ZNF385D: variants seen among roughly 807,000 people sequenced by gnomAD.
ZNF385D encodes zinc finger protein 385D.
A neutral mutation model predicts 35.8 loss-of-function variants in ZNF385D; 15 were observed. The ratio of observed to expected loss-of-function variants is 0.42; its 90% confidence interval spans 0.28 to 0.64. The LOEUF is 0.64. ZNF385D is among the 30% of genes least tolerant of loss of function. ZNF385D has a pLI of 0.23. For synonymous variants in ZNF385D, 212 were observed against 186.8 expected, an observed-to-expected ratio of 1.13 and a Z score of -1.10; for missense variants, 474 against 494.6, an observed-to-expected ratio of 0.96 and a Z score of 0.39.
At chr3:22,035,893 G>C (rs946236868) in intron 3 of ZNF385D, among the ~76,000 whole-genome samples, 1 of 151,686 alleles carries the variant, frequency 6.6e-6, no homozygotes, top group African/African-American at 2.4e-5. Flanking sequence ...CCAGTGGCTT[G>C]CTGATAAATG....
chr3:22,325,266 G>T (rs557897408), intron 2 of ZNF385D, among the ~76,000 whole-genome samples: 7 of 152,298 alleles, frequency 4.6e-5, no homozygotes, highest in African/African-American at 1.7e-4. Context: ...AACTCAAGCT[G>T]TAGAACTTTT....
At chr3:21,913,356 C>T (rs1312370983) in intron 3 of ZNF385D, among the ~76,000 whole-genome samples, 3 of 152,112 alleles carry the variant, frequency 2.0e-5, no homozygotes, top group Non-Finnish European at 4.4e-5. Flanking sequence ...TCTGAAATAA[C>T]TCATTAACAG....
chr3:22,312,021 C>T (rs994071549), intron 2 of ZNF385D, among the ~76,000 whole-genome samples: 3 of 152,064 alleles, frequency 2.0e-5, no homozygotes, highest in South Asian at 2.1e-4. Context: ...TTATTTCCTC[C>T]GAATCGACCA....
At chr3:22,058,161 A>C (rs185401844) in intron 3 of ZNF385D, among the ~76,000 whole-genome samples, 6 of 151,738 alleles carry the variant, frequency 4.0e-5, no homozygotes, top group African/African-American at 1.4e-4. Flanking sequence ...TTGGTAACTC[A>C]TAAGTTGATA....
chr3:21,904,310 A>G (rs1699564631), intron 3 of ZNF385D, among the ~76,000 whole-genome samples: 1 of 151,630 alleles, frequency 6.6e-6, no homozygotes. Context: ...CTCAAAAAAA[A>G]AAAAAAAAAA....
At chr3:22,301,020 G>A (rs1702872174) in intron 2 of ZNF385D, among the ~76,000 whole-genome samples, 1 of 152,006 alleles carries the variant, frequency 6.6e-6, no homozygotes, top group African/African-American at 2.4e-5. Flanking sequence ...CAATAGCCAA[G>A]ATACAGAAAC....
At chr3:21,682,195 A>T (rs2066932976) in intron 1 of ZNF385D, among the ~76,000 whole-genome samples, 1 of 152,216 alleles carries the variant, frequency 6.6e-6, no homozygotes, top group Non-Finnish European at 1.5e-5. Context: ...GACAATTGGC[A>T]GGTTGGTTTG....
At chr3:21,705,812 A>T (rs1406757900) in intron 1 of ZNF385D, among the ~76,000 whole-genome samples, 1 of 151,808 alleles carries the variant, frequency 6.6e-6, no homozygotes, top group African/African-American at 2.4e-5. Flanking sequence ...TTGCTGTTCC[A>T]CTCACATGTT....
At chr3:21,730,699 T>C (rs1274013652) in intron 1 of ZNF385D, among the ~76,000 whole-genome samples, 2 of 152,256 alleles carry the variant, frequency 1.3e-5, no homozygotes, top group African/African-American at 2.4e-5. Context: ...TGAGTTCTTA[T>C]GTTTCTTTTT....
intron 3 of ZNF385D, among the ~76,000 whole-genome samples, chr3:21,871,679 T>C (rs1559709938): frequency 6.6e-6 from 1 of 152,144 alleles, no homozygotes; most frequent in Non-Finnish European, 1.5e-5. Context: ...CCAAGTGTTT[T>C]CTTTAAGAAA....
At chr3:21,713,207 A>C (rs1389414883) in intron 1 of ZNF385D, among the ~76,000 whole-genome samples, 1 of 152,204 alleles carries the variant, frequency 6.6e-6, no homozygotes, top group Admixed American at 6.5e-5. Flanking sequence ...AGGAAGTGCA[A>C]AGAACAAGAA....
chr3:21,736,674 C>T (rs963726101), intron 1 of ZNF385D, among the ~76,000 whole-genome samples: 4 of 152,092 alleles, frequency 2.6e-5, no homozygotes, highest in Admixed American at 1.3e-4. Context: ...AGACTAACAT[C>T]CATATGGAAT....
rs149056139 is a variant in ZNF385D at position 22,030,607 on chromosome 3, C to T, written c.325+138210G>A. Among the ~76,000 whole-genome samples the T allele has an allele frequency of 2.0e-3, 302 of 152,022 alleles. 2 individuals are homozygous for T. Among genetic ancestry groups the T allele is most frequent in the African/African-American group, 6.7e-3 (276 of 41,466 alleles). On this transcript the variant is annotated intron_variant, in intron 3 of 5. Coordinates refer to the ZNF385D transcript ENST00000494108. The stretch of plus-strand genomic sequence containing the variant: ...GGAAACCATTTCTGTGTTCAAATCA[C>T]CTCCCACCAGGTTTCTCCCTTGACA...
intron 3 of ZNF385D, among the ~76,000 whole-genome samples, chr3:21,541,072 T>C (rs2062163138): frequency 6.6e-6 from 1 of 152,190 alleles, no homozygotes; most frequent in Non-Finnish European, 1.5e-5. Flanking sequence ...TAGTAGTACC[T>C]GGATTGTGCA....
chr3:22,152,071 A>G (rs1705275277), intron 3 of ZNF385D, among the ~76,000 whole-genome samples: 1 of 151,912 alleles, frequency 6.6e-6, no homozygotes, highest in South Asian at 2.1e-4. Context: ...TGTTCTCATC[A>G]TTTAGCTCCC....
intron 3 of ZNF385D, among the ~76,000 whole-genome samples, chr3:22,005,020 T>G (rs1259240533): frequency 7.5e-6 from 1 of 133,934 alleles, no homozygotes; most frequent in Non-Finnish European, 1.5e-5. Flanking sequence ...CCTTAGATAT[T>G]TGGGGTTAAT....
chr3:21,632,648 T>C (rs1270666168), intron 2 of ZNF385D, among the ~76,000 whole-genome samples: 2 of 152,134 alleles, frequency 1.3e-5, no homozygotes, highest in Non-Finnish European at 1.5e-5. Context: ...GTGTATTCTT[T>C]AATGAAGGAA....
intron 2 of ZNF385D, among the ~76,000 whole-genome samples, chr3:21,567,129 C>T (rs149563629): frequency 6.2e-4 from 95 of 152,256 alleles, no homozygotes; most frequent in African/African-American, 2.0e-3. Context: ...CATTTGCCAT[C>T]GATGAACATT....
chr3:21,822,098 A>C (rs1336934292), intron 3 of ZNF385D, among the ~76,000 whole-genome samples: 1 of 151,946 alleles, frequency 6.6e-6, no homozygotes, highest in African/African-American at 2.4e-5. Flanking sequence ...TTGACACGGA[A>C]TCTCACTCTG....
Sources: gnomAD v4.1 joint callset for allele counts (sites outside exome capture counted in the v4.1 genomes callset) on GRCh38, gnomAD v4.1.1 for gene constraint, MANE v1.5 for transcripts, NCBI Gene and HGNC (gene_info 2026-07-23, HGNC 2026-07-21) for gene names.